Variants in GH2 observed in about 807,000 individuals in gnomAD.
The protein encoded by GH2 is growth hormone 2.
GH2 carries 17 observed loss-of-function variants against 24.1 expected under a neutral mutation model. The observed-to-expected ratio is 0.71, with a 90% CI of 0.48 to 1.06. GH2 has a LOEUF of 1.06. Among genes scored for constraint, GH2 ranks in the 50% least tolerant of loss-of-function variants. The pLI is 0.00. For synonymous variants in GH2, 126 were observed against 118.7 expected (o/e 1.06, Z -0.40); for missense variants, 305 against 273.1 (o/e 1.12, Z -0.82).
Position 63,880,256 on chromosome 17 carries a change from G to T in GH2, c.*65C>A, listed in dbSNP as rs1905409292. 4.3e-6 allele frequency: 7 copies of T among 1,612,880 alleles called. No individual in the cohort carries two copies. In the East Asian group the frequency reaches 1.6e-4, roughly 36 times the overall value. On this transcript the variant is annotated 3_prime_UTR_variant, in exon 5 of 5. Transcript: ENST00000423893. ...TATTAGGACAAGGCTGGTGGGCACT[G>T]GAGTAGCACCTTCCACGACCAGGAG... is the stretch of plus-strand genomic sequence containing the variant.
In GH2 at chr17:63,881,162, C is replaced by A. The variant is rs1423008841; in HGVS notation, c.172-14G>T. On this transcript the variant is annotated splice_polypyrimidine_tract_variant and intron_variant, in intron 2 of 4. Transcript: ENST00000423893. ...ATAGGCTTCTTCCTAGGAGAAGGAC[C>A]GCCCACCAAGGTCTATGCTGGAGAC... is the stretch of plus-strand genomic sequence containing the variant. The A allele has an allele frequency of 9.9e-6, 16 of 1,614,020 alleles. No individual in the cohort carries two copies. The highest frequency in any genetic ancestry group is 1.3e-5 in the Non-Finnish European group (15 of 1,179,930).
Position 63,880,918 on chromosome 17 carries a change from T to A in GH2, c.310A>T (p.Ile104Phe). 3 of 1,614,058 alleles carry A rather than the reference T, an allele frequency of 1.9e-6. No homozygotes were observed. The highest frequency in any genetic ancestry group is 2.5e-6 in the Non-Finnish European group (3 of 1,179,938). Reference sequence around the variant, plus strand: ...CATGACTGGATGAGCAGCAGGGAGATGCGGAGCAGCTCTAGGTTCTGCAGG... The same window carrying A: ...CATGACTGGATGAGCAGCAGGGAGAAGCGGAGCAGCTCTAGGTTCTGCAGG... Reference protein sequence around the residue: ...QQKSNLELLRISLLLIQSWLE... With the variant: ...QQKSNLELLRFSLLLIQSWLE... Residue 104 changes from isoleucine (I) to phenylalanine (F), a missense_variant, in exon 4 of 5, where the codon ATC becomes TTC. By Grantham distance (21) the Ile-to-Phe change is conservative (BLOSUM62 0). Coordinates refer to ENST00000423893, the MANE Select transcript of GH2 (RefSeq NM_002059.5).
intron 2 of GH2, 77 bp downstream of exon 2, chr17:63,881,282 C>T: frequency 6.2e-7 from 1 of 1,610,258 alleles, no homozygotes; most frequent in Non-Finnish European, 8.5e-7. Context: ...TCCTTAGTCT[C>T]CTCCCATTAC....
Position 63,880,244 on chromosome 17 carries a change from C to G in GH2, c.*77G>C. ...GCAACTTAATTTTATTAGGACAAGG[C>G]TGGTGGGCACTGGAGTAGCACCTTC... is the stretch of plus-strand genomic sequence containing the variant. On this transcript the variant is annotated 3_prime_UTR_variant, in exon 5 of 5. Coordinates refer to ENST00000423893, the MANE Select transcript of GH2 (RefSeq NM_002059.5). 8 of 1,610,194 alleles carry G rather than the reference C, an allele frequency of 5.0e-6. No individual in the cohort carries two copies. The highest frequency in any genetic ancestry group is 2.2e-5 in the East Asian group (1 of 44,790).
chr17:63,880,250 G>T lies in GH2; in HGVS notation c.*71C>A, dbSNP rs58696130. 9,621 of 1,610,950 alleles carry T rather than the reference G, an allele frequency of 6.0e-3. 514 individuals are homozygous for T. In the African/African-American group the frequency reaches 0.11, roughly 19 times the overall value. On this transcript the variant is annotated 3_prime_UTR_variant, in exon 5 of 5. Coordinates refer to ENST00000423893, the MANE Select transcript of GH2 (RefSeq NM_002059.5). ...TAATTTTATTAGGACAAGGCTGGTG[G>T]GCACTGGAGTAGCACCTTCCACGAC...
chr17:63,881,674 T>C (rs1469812212), intron 1 of GH2, 118 bp downstream of exon 1: 13 of 1,609,102 alleles, frequency 8.1e-6, no homozygotes, highest in South Asian at 1.1e-5. Context: ...TGGGCTTAGA[T>C]GGCGATACTA....
At chr17:63,880,574 T>C (rs1244463753) in intron 4 of GH2, 56 bp from the exon 5 acceptor site, 1 of 1,613,790 alleles carries the variant, frequency 6.2e-7, no homozygotes, top group South Asian at 1.1e-5. Context: ...GTTCCCTCCC[T>C]CTCTCATTCA....
In GH2 at chr17:63,881,772, G is replaced by A; in HGVS notation, c.10+20C>T. 1 of 1,612,856 alleles carries A rather than the reference G, an allele frequency of 6.2e-7. No individual in the cohort carries two copies. The highest frequency in any genetic ancestry group is 1.7e-5 in the Admixed American group (1 of 59,988). ...CCCCTCAGGACACATTGTGCCCAAAGGGATTTTAGGGGCGCTTACCTGCAG... is the reference window on the plus strand; with the variant it reads ...CCCCTCAGGACACATTGTGCCCAAAAGGATTTTAGGGGCGCTTACCTGCAG... On this transcript the variant is annotated intron_variant, in intron 1 of 4. Coordinates refer to ENST00000423893, the MANE Select transcript of GH2 (RefSeq NM_002059.5).
chr17:63,880,399 G>A lies in GH2; in HGVS notation c.576C>T (p.Phe192=). 1 of 1,613,816 alleles carries A rather than the reference G, an allele frequency of 6.2e-7. No individual in the cohort carries two copies. Among genetic ancestry groups the A allele is most frequent in the East Asian group, 2.2e-5 (1 of 44,876 alleles). The change falls in exon 5 of 5, where the codon TTC becomes TTT. Residue 192 remains phenylalanine (F), a synonymous_variant. Coordinates refer to ENST00000423893, the MANE Select transcript of GH2 (RefSeq NM_002059.5). ...TCTCGACCTTGTCCATGTCCTTCCT[G>A]AAGCAGTAGAGCAGCCCGTAGTTCT... ...LLKNYGLLYC[F]RKDMDKVETF...
chr17:63,880,499 G>T lies in GH2; in HGVS notation c.476C>A (p.Pro159His), dbSNP rs745916178. 6.2e-7 allele frequency: 1 copy of T among 1,613,794 alleles called. No homozygotes were observed. The highest frequency in any genetic ancestry group is 8.5e-7 in the Non-Finnish European group (1 of 1,179,774). ...TLMWRLEDGS[P>H]RTGQIFNQSY... Reference sequence around the variant, plus strand: ...CTGATTGAAGATCTGCCCAGTCCGGGGGCTGCCATCTTCCAGCCTCTGCAA... The same window carrying T: ...CTGATTGAAGATCTGCCCAGTCCGGTGGCTGCCATCTTCCAGCCTCTGCAA... Residue 159 changes from proline (P) to histidine (H), a missense_variant, in exon 5 of 5, where the codon CCC becomes CAC. Pro to His is a moderately conservative substitution (Grantham distance 77). Coordinates refer to ENST00000423893, the MANE Select transcript of GH2 (RefSeq NM_002059.5).
chr17:63,881,319 C>T (rs368403693), intron 2 of GH2, 40 bp downstream of exon 2: 1 of 1,613,324 alleles, frequency 6.2e-7, no homozygotes, highest in Non-Finnish European at 8.5e-7. Context: ...GTCACCCCTT[C>T]CTGCCACCTC....
chr17:63,880,984 C>T (rs772435920), intron 3 of GH2, 45 bp downstream of exon 3: 22 of 1,613,954 alleles, frequency 1.4e-5, no homozygotes, highest in Non-Finnish European at 1.8e-5. Context: ...GGGCTCTGAC[C>T]ACAGGTCTAC....
chr17:63,880,552 C>G lies in GH2; in HGVS notation c.457-34G>C, dbSNP rs375084233. ...TGAAGGAAGAGAAGGAGAGGCCAAG[C>G]GCTTGGGCACTGTTCCCTCCCTCTC... On this transcript the variant is annotated intron_variant, in intron 4 of 4. Transcript: ENST00000423893. The G allele has an allele frequency of 1.9e-5, 30 of 1,613,708 alleles. No individual in the cohort carries two copies. In the African/African-American group the frequency reaches 3.2e-4, roughly 17 times the overall value.
Position 63,881,297 on chromosome 17 carries a change from C to T in GH2, c.171+62G>A, listed in dbSNP as rs1302537448. 4 of 1,611,520 alleles carry T rather than the reference C, an allele frequency of 2.5e-6. No homozygotes were observed. In the East Asian group the frequency reaches 8.9e-5, roughly 36 times the overall value. On this transcript the variant is annotated intron_variant, in intron 2 of 4. Coordinates refer to ENST00000423893, the MANE Select transcript of GH2 (RefSeq NM_002059.5). ...TCCTTAGTCTCCTCCCATTACTTCC[C>T]AGCGGGGGAAAGTCACCCCTTCCTG... is the stretch of plus-strand genomic sequence containing the variant.
chr17:63,881,355 T>C lies in GH2; in HGVS notation c.171+4A>G. The C allele has an allele frequency of 6.2e-7, 1 of 1,613,944 alleles. No individual in the cohort carries two copies. The highest frequency in any genetic ancestry group is 1.1e-5 in the South Asian group (1 of 91,072). On this transcript the variant is annotated splice_donor_region_variant and intron_variant, in intron 2 of 4. Transcript: ENST00000423893. ...TGAAGCGCACCCATTACCCAAGAGC[T>C]TACAAACTCCTGATAGGTGTCATAT... is the stretch of plus-strand genomic sequence containing the variant.
In GH2 at chr17:63,881,041, C is replaced by T. The variant is rs747350372; in HGVS notation, c.279G>A (p.Thr93=). 31 of 1,613,948 alleles carry T rather than the reference C, an allele frequency of 1.9e-5. No homozygotes were observed. In the Admixed American group the frequency reaches 2.2e-4, roughly 11 times the overall value. Residue 93 remains threonine, a synonymous_variant, in exon 3 of 5, where the codon ACG becomes ACA. Coordinates refer to ENST00000423893, the MANE Select transcript of GH2 (RefSeq NM_002059.5). ...GGCATCCACTCACAGATTTCTGCTG[C>T]GTTTTCACCCTGTTGGAAGGTGTTG... The part of the protein sequence containing the change: ...SIPTPSNRVK[T]QQKSNLELLR...
intron 1 of GH2, 96 bp downstream of exon 1, chr17:63,881,696 C>A: frequency 6.2e-7 from 1 of 1,610,922 alleles, no homozygotes; most frequent in East Asian, 2.2e-5. Flanking sequence ...CATTCATAAG[C>A]CCCAAACCTG....
Position 63,881,504 on chromosome 17 carries a change from A to G in GH2, c.26T>C (p.Leu9Pro), listed in dbSNP as rs1374493913. 1 of 1,613,790 alleles carries G rather than the reference A, an allele frequency of 6.2e-7. No individual in the cohort carries two copies. Among genetic ancestry groups the G allele is most frequent in the Admixed American group, 1.7e-5 (1 of 59,984 alleles). Reference sequence around the variant, plus strand: ...GCAGAGCAGGCCAAAAGCCAGGAGCAGGGACGTCCGGGAGCCTGGGGAGAA... The same window carrying G: ...GCAGAGCAGGCCAAAAGCCAGGAGCGGGGACGTCCGGGAGCCTGGGGAGAA... MAAGSRTS[L>P]LLAFGLLCLS... The change falls in exon 2 of 5, where the codon CTG (leucine) becomes CCG (proline). Residue 9 changes from leucine to proline, a missense_variant. Transcript: ENST00000423893.
In GH2 at chr17:63,880,944, G is replaced by C. The variant is rs1362072339; in HGVS notation, c.292-8C>G. ...GCGGAGCAGCTCTAGGTTCTGCAGG[G>C]GAAGGACCGGCAGTGGCTGTGCTGC... On this transcript the variant is annotated splice_region_variant and splice_polypyrimidine_tract_variant and intron_variant, in intron 3 of 4. Transcript: ENST00000423893. 1 of 1,614,048 alleles carries C rather than the reference G, an allele frequency of 6.2e-7. No individual in the cohort carries two copies. Among genetic ancestry groups the C allele is most frequent in the East Asian group, 2.2e-5 (1 of 44,872 alleles).
Sources: allele counts gnomAD v4.1 joint callset, GRCh38; gene constraint gnomAD v4.1.1; transcripts MANE v1.5; gene names NCBI Gene and HGNC (gene_info 2026-07-23, HGNC 2026-07-21).